ZNF804A: variants seen among roughly 807,000 people sequenced by gnomAD.
ZNF804A encodes the protein zinc finger protein 804A.
ZNF804A carries 2 observed loss-of-function variants against 16.5 expected under a neutral mutation model. The observed-to-expected ratio is 0.12, with a 90% CI of 0.05 to 0.38. The LOEUF is 0.38. Among genes scored for constraint, ZNF804A ranks in the 10% least tolerant of loss-of-function variants. The probability of loss-of-function intolerance (pLI) is 0.99; values close to 1 mark genes in which losing one functional copy is unlikely to be tolerated. For missense variants in ZNF804A, 1,473 were observed against 1,390.7 expected, an observed-to-expected ratio of 1.06 and a Z score of -0.94; for synonymous variants, 534 against 489.6, an observed-to-expected ratio of 1.09 and a Z score of -1.20.
At chr2:184,729,293 T>C (rs1681477675) in intron 1 of ZNF804A, among the ~76,000 whole-genome samples, 1 of 151,910 alleles carries the variant, frequency 6.6e-6, no homozygotes, top group African/African-American at 2.4e-5. Context: ...CATAAATATA[T>C]ACAATTTTTA....
intron 2 of ZNF804A, among the ~76,000 whole-genome samples, chr2:184,885,774 C>T (rs528545606): frequency 3.9e-5 from 6 of 152,166 alleles, no homozygotes; most frequent in South Asian, 2.1e-4. Context: ...GTGAGACTTA[C>T]GCACTTTCAC....
intron 1 of ZNF804A, among the ~76,000 whole-genome samples, chr2:184,611,462 G>T (rs1458570088): frequency 6.6e-6 from 1 of 151,972 alleles, no homozygotes; most frequent in African/African-American, 2.4e-5. Flanking sequence ...TATTTATGAA[G>T]ACATGAAAAT....
chr2:184,890,125 A>G (rs2105821860), intron 2 of ZNF804A, among the ~76,000 whole-genome samples: 1 of 152,260 alleles, frequency 6.6e-6, no homozygotes, highest in African/African-American at 2.4e-5. Context: ...CAATCAAGGA[A>G]AGTATGATTC....
chr2:184,638,783 AT>A (rs71984607), intron 1 of ZNF804A, among the ~76,000 whole-genome samples: 4,879 of 152,238 alleles, frequency 0.032, 265 homozygotes, highest in African/African-American at 0.11. Context: ...AATCACAGAT[AT>A]TTTTATCTTC....
chr2:184,869,583 A>G (rs1213396698), intron 2 of ZNF804A, among the ~76,000 whole-genome samples: 1 of 152,024 alleles, frequency 6.6e-6, no homozygotes, highest in Non-Finnish European at 1.5e-5. Context: ...GAAAATAGTA[A>G]AAGCTTAATA....
intron 1 of ZNF804A, among the ~76,000 whole-genome samples, chr2:184,748,618 G>A (rs1693831166): frequency 1.3e-5 from 2 of 151,286 alleles, no homozygotes; most frequent in South Asian, 2.1e-4. Context: ...CTATGCAGAA[G>A]TTCTTATTTT....
Position 184,773,808 on chromosome 2 carries a change from T to G in ZNF804A, c.112-92561T>G, listed in dbSNP as rs150673818. Reference sequence around the variant, plus strand: ...TCCCAAAATCCATTGAAATAAAAATTTTTTAAAAAATTATAAATGATTAAT... The same window carrying G: ...TCCCAAAATCCATTGAAATAAAAATGTTTTAAAAAATTATAAATGATTAAT... On this transcript the variant is annotated intron_variant, in intron 1 of 3. Coordinates refer to ENST00000302277, the MANE Select transcript of ZNF804A (RefSeq NM_194250.2). Among the ~76,000 whole-genome samples the G allele has an allele frequency of 1.8e-4, 27 of 151,984 alleles. No individual in the cohort carries two copies. The East Asian group carries it at 3.9e-3, about 22-fold the overall frequency.
intron 1 of ZNF804A, among the ~76,000 whole-genome samples, chr2:184,830,110 CCACACACA>C (rs151005970): frequency 0.038 from 5,334 of 141,638 alleles, 300 homozygotes; most frequent in African/African-American, 0.13. Flanking sequence ...ACACACCCAC[CCACACACA>C]CACACACACA....
chr2:184,628,639 T>C (rs1691549367), intron 1 of ZNF804A, among the ~76,000 whole-genome samples: 1 of 152,154 alleles, frequency 6.6e-6, no homozygotes, highest in African/African-American at 2.4e-5. Flanking sequence ...AATATGTTCT[T>C]TGGTAATCCT....
intron 1 of ZNF804A, among the ~76,000 whole-genome samples, chr2:184,649,831 CA>C (rs57435962): frequency 2.0e-3 from 255 of 130,532 alleles, no homozygotes; most frequent in East Asian, 2.5e-3. Flanking sequence ...ACAAATCAAC[CA>C]AAAAAAAAAA....
intron 1 of ZNF804A, among the ~76,000 whole-genome samples, chr2:184,672,808 C>T (rs1210503289): frequency 6.6e-6 from 1 of 151,944 alleles, no homozygotes; most frequent in Non-Finnish European, 1.5e-5. Context: ...GTGGCACAGT[C>T]TCAGCTCACT....
chr2:184,927,594 G>T (rs1329264280), intron 2 of ZNF804A, among the ~76,000 whole-genome samples: 1 of 152,180 alleles, frequency 6.6e-6, no homozygotes, highest in African/African-American at 2.4e-5. Context: ...CCCCAGGTGG[G>T]TCCAGAGGTT....
At chr2:184,860,671 G>A (rs368139824) in intron 1 of ZNF804A, among the ~76,000 whole-genome samples, 3 of 152,224 alleles carry the variant, frequency 2.0e-5, no homozygotes, top group African/African-American at 7.2e-5. Context: ...GGTGGACTTG[G>A]AGGCCCTGTA....
intron 2 of ZNF804A, among the ~76,000 whole-genome samples, chr2:184,931,600 C>T (rs1275187068): frequency 6.6e-6 from 1 of 152,194 alleles, no homozygotes; most frequent in Admixed American, 6.5e-5. Flanking sequence ...AACCATTTTT[C>T]CCTCCCAATC....
At chr2:184,612,581 C>T (rs1248831625) in intron 1 of ZNF804A, among the ~76,000 whole-genome samples, 2 of 151,800 alleles carry the variant, frequency 1.3e-5, no homozygotes, top group African/African-American at 4.8e-5. Context: ...ATTACAGGCT[C>T]CCACCACCAA....
At chr2:184,818,332 A>G (rs1469059161) in intron 1 of ZNF804A, among the ~76,000 whole-genome samples, 1 of 152,030 alleles carries the variant, frequency 6.6e-6, no homozygotes, top group Non-Finnish European at 1.5e-5. Context: ...AAAGAGAAAG[A>G]GGATCCTTTA....
chr2:184,839,637 T>C (rs1437230680), intron 1 of ZNF804A, among the ~76,000 whole-genome samples: 1 of 152,142 alleles, frequency 6.6e-6, no homozygotes, highest in African/African-American at 2.4e-5. Context: ...TGTCCAGAAT[T>C]GAACTTACAC....
intron 1 of ZNF804A, among the ~76,000 whole-genome samples, chr2:184,650,444 T>G (rs1691962752): frequency 6.6e-6 from 1 of 152,104 alleles, no homozygotes; most frequent in African/African-American, 2.4e-5. Flanking sequence ...AGCATGGTAG[T>G]GGAAGTGCTA....
intron 2 of ZNF804A, among the ~76,000 whole-genome samples, chr2:184,871,631 A>G (rs773493455): frequency 1.3e-5 from 2 of 152,024 alleles, no homozygotes; most frequent in Non-Finnish European, 2.9e-5. Flanking sequence ...AGTTTAAATT[A>G]GTAAAAAGTA....
Sources: gnomAD v4.1 joint callset for allele counts (sites outside exome capture counted in the v4.1 genomes callset) on GRCh38, gnomAD v4.1.1 for gene constraint, MANE v1.5 for transcripts, NCBI Gene and HGNC (gene_info 2026-07-23, HGNC 2026-07-21) for gene names.